The following SLC25A21 variants were observed in gnomAD, a reference collection of about 807,000 sequenced individuals.
SLC25A21 encodes the protein solute carrier family 25 member 21.
A neutral mutation model predicts 43.8 loss-of-function variants in SLC25A21; 47 were observed. The observed-to-expected ratio is 1.07, with a 90% CI of 0.85 to 1.37. The LOEUF is 1.37. Among genes scored for constraint, SLC25A21 ranks in the 40% most tolerant of loss-of-function variants. SLC25A21 has a pLI of 0.00. For missense variants in SLC25A21, 352 were observed against 350.2 expected (o/e 1.00, Z -0.04); for synonymous variants, 131 against 121.3 (o/e 1.08, Z -0.52).
chr14:36,734,470 C>T (rs1884951363), intron 4 of SLC25A21, 37 bp downstream of exon 4: 2 of 1,543,218 alleles, frequency 1.3e-6, no homozygotes, highest in Admixed American at 1.8e-5. Context: ...GTTACTGTGC[C>T]CTACTTTTGC....
At chr14:36,794,640 A>G (rs947977458) in intron 3 of SLC25A21, among the ~76,000 whole-genome samples, 3 of 152,022 alleles carry the variant, frequency 2.0e-5, no homozygotes, top group African/African-American at 7.2e-5. Flanking sequence ...TGGGTGGCGC[A>G]TGCCTGTAAT....
chr14:36,889,357 C>A (rs1891015321), intron 1 of SLC25A21, among the ~76,000 whole-genome samples: 1 of 152,052 alleles, frequency 6.6e-6, no homozygotes, highest in Non-Finnish European at 1.5e-5. Context: ...AGCTGAAGAA[C>A]AATATTTGGA....
At chr14:37,104,775 T>C (rs1379762124) in intron 1 of SLC25A21, among the ~76,000 whole-genome samples, 2 of 152,174 alleles carry the variant, frequency 1.3e-5, no homozygotes, top group Non-Finnish European at 2.9e-5. Context: ...AGCCCAAGGT[T>C]TATCCTAAGC....
intron 3 of SLC25A21, among the ~76,000 whole-genome samples, chr14:36,757,738 C>T (rs1230162555): frequency 6.6e-6 from 1 of 152,230 alleles, no homozygotes; most frequent in Admixed American, 6.5e-5. Flanking sequence ...GCATAACCTC[C>T]AGAAATGGAC....
chr14:37,154,116 C>T (rs1963805626), intron 1 of SLC25A21, among the ~76,000 whole-genome samples: 1 of 152,126 alleles, frequency 6.6e-6, no homozygotes, highest in South Asian at 2.1e-4. Flanking sequence ...ATACGTCACC[C>T]TGGGGCACAA....
intron 7 of SLC25A21, 81 bp from the exon 8 acceptor site, chr14:36,685,006 T>G: frequency 8.8e-7 from 1 of 1,139,188 alleles, no homozygotes; most frequent in South Asian, 1.7e-5. Flanking sequence ...CAATATGTAT[T>G]TAAGCAGAGC....
chr14:37,120,241 T>C (rs1477587001), intron 1 of SLC25A21, among the ~76,000 whole-genome samples: 1 of 152,158 alleles, frequency 6.6e-6, no homozygotes, highest in African/African-American at 2.4e-5. Context: ...GAGCAAATTA[T>C]CTCCTCACCC....
At chr14:36,791,363 C>T (rs949601124) in intron 3 of SLC25A21, among the ~76,000 whole-genome samples, 1 of 152,090 alleles carries the variant, frequency 6.6e-6, no homozygotes, top group Admixed American at 6.6e-5. Context: ...AAACACCCTA[C>T]CTGCTTTTTA....
chr14:36,802,854 C>A (rs1387076306), intron 3 of SLC25A21, among the ~76,000 whole-genome samples: 3 of 152,154 alleles, frequency 2.0e-5, no homozygotes, highest in Non-Finnish European at 2.9e-5. Context: ...AGGGCTGGAA[C>A]ATAAGAGGCA....
At chr14:36,748,113 T>G (rs1173575756) in intron 3 of SLC25A21, among the ~76,000 whole-genome samples, 2 of 152,204 alleles carry the variant, frequency 1.3e-5, no homozygotes, top group Non-Finnish European at 2.9e-5. Context: ...GTTAGGACAA[T>G]AACAAAGGTC....
intron 1 of SLC25A21, among the ~76,000 whole-genome samples, chr14:37,128,697 C>T (rs1360824306): frequency 6.6e-6 from 1 of 152,032 alleles, no homozygotes; most frequent in Non-Finnish European, 1.5e-5. Context: ...AGGTGATCCT[C>T]CCACCTCAGT....
intron 1 of SLC25A21, among the ~76,000 whole-genome samples, chr14:37,157,635 T>A (rs1080374): frequency 0.4 from 59,987 of 151,758 alleles, 12,734 homozygotes; most frequent in African/African-American, 0.56. Flanking sequence ...ACAGCAAAAA[T>A]AGCAGAAAGA....
intron 7 of SLC25A21, among the ~76,000 whole-genome samples, chr14:36,693,614 C>T (rs1566501771): frequency 6.6e-6 from 1 of 152,006 alleles, no homozygotes; most frequent in Non-Finnish European, 1.5e-5. Flanking sequence ...TTATACATAT[C>T]ACATATCTAG....
At chr14:36,954,482 T>C (rs1011438299) in intron 1 of SLC25A21, among the ~76,000 whole-genome samples, 1 of 141,082 alleles carries the variant, frequency 7.1e-6, no homozygotes, top group Non-Finnish European at 1.6e-5. Context: ...GGAAAACACA[T>C]ACATACATAT....
intron 1 of SLC25A21, among the ~76,000 whole-genome samples, chr14:36,923,591 A>G (rs529063211): frequency 6.6e-6 from 1 of 152,296 alleles, no homozygotes; most frequent in East Asian, 1.9e-4. Context: ...CAAAGATAAT[A>G]ACAACATGTT....
Position 36,925,635 on chromosome 14 carries a change from C to T in SLC25A21, c.71-50631G>A, listed in dbSNP as rs541119394. The stretch of plus-strand genomic sequence containing the variant: ...GCTGTGGCAGGTGGATCACTTGAGG[C>T]CAGGAGTTCAAGACCAACCTAGCCA... On this transcript the variant is annotated intron_variant, in intron 1 of 9. Transcript: ENST00000331299. 1.4e-4 allele frequency among the ~76,000 whole-genome samples: 22 copies of T among 152,126 alleles called. No individual in the cohort carries two copies. The South Asian group carries it at 4.6e-3, about 32-fold the overall frequency.
intron 1 of SLC25A21, among the ~76,000 whole-genome samples, chr14:37,154,342 C>A (rs184561563): frequency 6.6e-6 from 1 of 152,268 alleles, no homozygotes; most frequent in East Asian, 1.9e-4. Context: ...CCCTACCTAA[C>A]AAACACTAAA....
chr14:36,696,982 G>A (rs868680159), intron 7 of SLC25A21, among the ~76,000 whole-genome samples: 6 of 151,996 alleles, frequency 3.9e-5, no homozygotes, highest in African/African-American at 9.7e-5. Flanking sequence ...TCATTCTCTC[G>A]TTCTTTTAAT....
rs200621797 is a variant in SLC25A21 at position 36,981,062 on chromosome 14, G to T, written c.71-106058C>A. 6.1e-3 allele frequency among the ~76,000 whole-genome samples: 907 copies of T among 148,902 alleles called. 19 individuals carry two copies. In the East Asian group the frequency reaches 0.089, roughly 15 times the overall value. ...GACACTTCTCAAAAGAAGACATTTAGGCAGCCAATAGACACATGAAAAAAT... is the reference window on the plus strand; with the variant it reads ...GACACTTCTCAAAAGAAGACATTTATGCAGCCAATAGACACATGAAAAAAT... On this transcript the variant is annotated intron_variant, in intron 1 of 9. Coordinates refer to ENST00000331299, the MANE Select transcript of SLC25A21 (RefSeq NM_030631.4).
Sources: gnomAD v4.1 joint callset for allele counts (sites outside exome capture counted in the v4.1 genomes callset) on GRCh38, gnomAD v4.1.1 for gene constraint, MANE v1.5 for transcripts, NCBI Gene and HGNC (gene_info 2026-07-23, HGNC 2026-07-21) for gene names.